Variants in FBXW11 observed in about 807,000 individuals in gnomAD.
The protein encoded by FBXW11 is F-box and WD repeat domain containing 11, also known as F-box/WD repeat-containing protein 11.
Under a neutral mutation model 77.6 loss-of-function variants are expected in FBXW11, and 19 were observed. That is an observed-to-expected ratio of 0.24 (90% CI 0.17 to 0.36). The LOEUF is 0.36. FBXW11 is among the 10% of genes least tolerant of loss of function. The pLI is 1.00. For missense variants in FBXW11, 334 were observed against 704.2 expected, an observed-to-expected ratio of 0.47 and a Z score of 5.95; for synonymous variants, 235 against 249.4, an observed-to-expected ratio of 0.94 and a Z score of 0.54.
chr5:171,889,810 C>T (rs1482679186), intron 7 of FBXW11, among the ~76,000 whole-genome samples: 1 of 152,022 alleles, frequency 6.6e-6, no homozygotes. Flanking sequence ...ATCGCTCAAA[C>T]CCGGGAGGCG....
chr5:171,944,924 T>C (rs978169239), intron 2 of FBXW11, among the ~76,000 whole-genome samples: 1 of 152,216 alleles, frequency 6.6e-6, no homozygotes, highest in Non-Finnish European at 1.5e-5. Flanking sequence ...TTCCTTCACA[T>C]TCCAGCTTAT....
intron 2 of FBXW11, among the ~76,000 whole-genome samples, chr5:171,929,256 A>G (rs908373549): frequency 4.6e-5 from 7 of 151,312 alleles, no homozygotes; most frequent in African/African-American, 1.7e-4. Context: ...CTCTAATTCC[A>G]GCTACTCAGG....
intron 1 of FBXW11, among the ~76,000 whole-genome samples, chr5:171,966,167 G>C (rs766740002): frequency 6.6e-6 from 1 of 152,120 alleles, no homozygotes; most frequent in Non-Finnish European, 1.5e-5. Context: ...TATGAGAACG[G>C]ACTAATACAC....
intron 1 of FBXW11, among the ~76,000 whole-genome samples, chr5:171,991,809 G>A (rs1335791971): frequency 6.6e-6 from 1 of 152,038 alleles, no homozygotes; most frequent in Non-Finnish European, 1.5e-5. Context: ...AAAATTCTCA[G>A]GTCAAGATGA....
At chr5:171,930,759 A>AT (rs1419918497) in intron 2 of FBXW11, among the ~76,000 whole-genome samples, 1 of 65,404 alleles carries the variant, frequency 1.5e-5, no homozygotes, top group Non-Finnish European at 3.2e-5. Flanking sequence ...AAAAATAAAA[A>AT]AATAAAAAAA....
intron 1 of FBXW11, among the ~76,000 whole-genome samples, chr5:172,000,743 C>T (rs114109725): frequency 0.013 from 1,911 of 152,262 alleles, 45 homozygotes; most frequent in African/African-American, 0.042. Flanking sequence ...AGACCAATAC[C>T]TAAGTTTTCT....
At chr5:171,993,283 A>G (rs1391318041) in intron 1 of FBXW11, among the ~76,000 whole-genome samples, 4 of 152,112 alleles carry the variant, frequency 2.6e-5, no homozygotes, top group African/African-American at 7.2e-5. Flanking sequence ...TTAAACTAGC[A>G]TATTAATTAG....
At chr5:171,964,299 A>G (rs986245022) in intron 1 of FBXW11, among the ~76,000 whole-genome samples, 6 of 152,250 alleles carry the variant, frequency 3.9e-5, no homozygotes, top group Non-Finnish European at 8.8e-5. Context: ...ATAATGATGA[A>G]GAAGAGAAAT....
At chr5:171,985,295 T>C (rs1242663939) in intron 1 of FBXW11, among the ~76,000 whole-genome samples, 1 of 152,036 alleles carries the variant, frequency 6.6e-6, no homozygotes, top group African/African-American at 2.4e-5. Context: ...CTCAACCACA[T>C]CCACCACCCT....
intron 1 of FBXW11, among the ~76,000 whole-genome samples, chr5:171,964,284 C>T (rs954905079): frequency 2.6e-5 from 4 of 152,174 alleles, no homozygotes; most frequent in Non-Finnish European, 1.5e-5. Context: ...ACAAAGAGTG[C>T]CATGATAATG....
intron 1 of FBXW11, among the ~76,000 whole-genome samples, chr5:171,993,559 G>A (rs1160703628): frequency 1.3e-5 from 2 of 152,134 alleles, no homozygotes; most frequent in Non-Finnish European, 2.9e-5. Context: ...GTTGCAGTGA[G>A]CCACGATCGC....
intron 4 of FBXW11, among the ~76,000 whole-genome samples, chr5:171,902,697 C>T (rs1277138419): frequency 6.6e-6 from 1 of 152,282 alleles, no homozygotes; most frequent in African/African-American, 2.4e-5. Context: ...ACAATTGTAC[C>T]CAATAGTTCT....
intron 2 of FBXW11, 97 bp from the exon 3 acceptor site, chr5:171,914,502 C>A: frequency 1.0e-6 from 1 of 990,612 alleles, no homozygotes; most frequent in Non-Finnish European, 1.4e-6. Context: ...TAGAGTGTAC[C>A]AATACAAACC....
At position 171,965,927 on chromosome 5, in the gene FBXW11, T is replaced by C. The variant is rs114772386; in HGVS notation, c.46-8229A>G. 9.6e-3 allele frequency among the ~76,000 whole-genome samples: 1,457 copies of C among 152,242 alleles called. 25 individuals carry two copies. The highest frequency in any genetic ancestry group is 0.033 in the African/African-American group (1,382 of 41,534). ...GACGTCCCCCTTGCTGTTCTCGCGA[T>C]AGTGAGTTCTCACAGAATCTCATTG... On this transcript the variant is annotated intron_variant, in intron 1 of 13. Transcript: ENST00000517395.
In FBXW11 at chr5:172,006,582, A is replaced by C; in HGVS notation, c.-80T>G. On this transcript the variant is annotated 5_prime_UTR_variant, in exon 1 of 14. Transcript: ENST00000517395. Reference sequence around the variant, plus strand: ...CGGAGGAGGCGACGGCGGAGGCGGCAGAGGCGGAGGCGGCTATCGCACCCA... The same window carrying C: ...CGGAGGAGGCGACGGCGGAGGCGGCCGAGGCGGAGGCGGCTATCGCACCCA... The C allele has an allele frequency of 3.5e-6, 5 of 1,417,396 alleles. No individual in the cohort carries two copies. Among genetic ancestry groups the C allele is most frequent in the Non-Finnish European group, 4.6e-6 (5 of 1,083,580 alleles). The allele number at this position is 1,417,396 out of a possible 1,614,324, so 87.8% of individuals were successfully genotyped here.
intron 1 of FBXW11, among the ~76,000 whole-genome samples, chr5:171,968,447 A>C (rs1182690231): frequency 8.5e-6 from 1 of 117,782 alleles, no homozygotes. Flanking sequence ...AAAGAGCCAG[A>C]CTCTGTCTCA....
chr5:171,924,517 C>T (rs534112879), intron 2 of FBXW11, among the ~76,000 whole-genome samples: 5 of 152,206 alleles, frequency 3.3e-5, no homozygotes, highest in African/African-American at 4.8e-5. Context: ...TAAAACTTTC[C>T]GCCCTGCTCA....
Position 171,870,619 on chromosome 5 carries a change from T to C in FBXW11, c.1451+129A>G, listed in dbSNP as rs1275540918. ...CTCACCTAAACAACAGGTATAATAATACCTGCCATCCACCATTACACAGAA... is the reference window on the plus strand; with the variant it reads ...CTCACCTAAACAACAGGTATAATAACACCTGCCATCCACCATTACACAGAA... On this transcript the variant is annotated intron_variant, in intron 11 of 13. Coordinates refer to ENST00000517395, the MANE Select transcript of FBXW11 (RefSeq NM_001378974.1). 4.2e-5 allele frequency: 27 copies of C among 638,582 alleles called. No individual in the cohort carries two copies. In the East Asian group the frequency reaches 6.3e-4, roughly 15 times the overall value. 39.6% of individuals were successfully genotyped at this position (638,582 alleles called of 1,614,324 possible).
chr5:171,885,682 T>C (rs1581147697), intron 7 of FBXW11, among the ~76,000 whole-genome samples: 1 of 152,190 alleles, frequency 6.6e-6, no homozygotes, highest in Non-Finnish European at 1.5e-5. Flanking sequence ...TAATGGGAGA[T>C]GAGAATGTTT....
Sources: gnomAD v4.1 joint callset for allele counts (sites outside exome capture counted in the v4.1 genomes callset) on GRCh38, gnomAD v4.1.1 for gene constraint, MANE v1.5 for transcripts, NCBI Gene and HGNC (gene_info 2026-07-23, HGNC 2026-07-21) for gene names.